The following DNAH6 variants were observed in gnomAD, a reference collection of about 807,000 sequenced individuals.
DNAH6 encodes the protein axonemal beta dynein heavy chain 6.
DNAH6 carries 340 observed loss-of-function variants against 491.4 expected under a neutral mutation model. The ratio of observed to expected loss-of-function variants is 0.69; its 90% CI spans 0.63 to 0.76. DNAH6 has a LOEUF of 0.76. DNAH6 is among the 30% of genes least tolerant of loss of function. DNAH6 has a pLI of 0.00. For missense variants in DNAH6, 4,443 were observed against 4,972.2 expected (o/e 0.89, Z 3.20); for synonymous variants, 1,603 against 1,686.1 (o/e 0.95, Z 1.21).
Position 84,548,415 on chromosome 2 carries a change from G to A in DNAH6, c.1314G>A (p.Thr438=), listed in dbSNP as rs372850589. The stretch of plus-strand genomic sequence containing the variant: ...AAAGGCATTATTGCATGAGGCTGAC[G>A]TGGTAAGATTATTCTCATTTTCAAG... The part of the protein sequence containing the change: ...ASKRHYCMRL[T]CFIRLNDYLI... The change falls in exon 8 of 77, where the codon ACG becomes ACA. Residue 438 remains threonine, a splice_region_variant and synonymous_variant. Transcript: ENST00000389394. 2.5e-5 allele frequency: 40 copies of A among 1,613,202 alleles called. No individual in the cohort carries two copies. The highest frequency in any genetic ancestry group is 1.1e-4 in the South Asian group (10 of 90,904).
At chr2:84,818,484 C>CA (rs59242387) in intron 76 of DNAH6, among the ~76,000 whole-genome samples, 2,402 of 63,638 alleles carry the variant, frequency 0.038, 139 homozygotes, top group African/African-American at 0.083. Context: ...GACCCTATCT[C>CA]AAAAAAAAAA....
intron 4 of DNAH6, among the ~76,000 whole-genome samples, chr2:84,537,266 T>C (rs1052516303): frequency 7.9e-5 from 12 of 152,202 alleles, no homozygotes; most frequent in Admixed American, 1.3e-4. Flanking sequence ...GAAATAATTA[T>C]AAATACCTTA....
chr2:84,710,906 G>A (rs1411388293), intron 56 of DNAH6, among the ~76,000 whole-genome samples: 1 of 151,782 alleles, frequency 6.6e-6, no homozygotes, highest in African/African-American at 2.4e-5. Context: ...TGTTTGTTGA[G>A]TCTAGGTGCT....
At chr2:84,646,662 A>G (rs768189753) in intron 33 of DNAH6, among the ~76,000 whole-genome samples, 1 of 152,236 alleles carries the variant, frequency 6.6e-6, no homozygotes, top group East Asian at 1.9e-4. Flanking sequence ...ACAACATTCC[A>G]TTAAGCCAAA....
At chr2:84,794,988 C>T (rs1678188628) in intron 68 of DNAH6, among the ~76,000 whole-genome samples, 1 of 150,444 alleles carries the variant, frequency 6.6e-6, no homozygotes, top group South Asian at 2.1e-4. Context: ...CCATGGAATA[C>T]TATGCAGCCA....
At chr2:84,590,498 C>A (rs1056379726) in intron 16 of DNAH6, among the ~76,000 whole-genome samples, 703 of 97,682 alleles carry the variant, frequency 7.2e-3, no homozygotes, top group African/African-American at 9.7e-3. Context: ...GGCTCCATTT[C>A]AAAAAAAAAA....
At chr2:84,746,224 A>G (rs1197240394) in intron 63 of DNAH6, among the ~76,000 whole-genome samples, 1 of 152,210 alleles carries the variant, frequency 6.6e-6, no homozygotes, top group East Asian at 1.9e-4. Flanking sequence ...ATTCATTTGG[A>G]AAGTAAAACT....
intron 63 of DNAH6, among the ~76,000 whole-genome samples, chr2:84,757,046 G>T (rs546979390): frequency 1.1e-4 from 16 of 152,326 alleles, no homozygotes; most frequent in African/African-American, 3.6e-4. Flanking sequence ...ATGGGATTTT[G>T]CAGAGGGTGA....
chr2:84,641,090 TAAAG>T (rs144139161), intron 32 of DNAH6, among the ~76,000 whole-genome samples: 7,709 of 152,236 alleles, frequency 0.051, 253 homozygotes, highest in Admixed American at 0.073. Context: ...TAGTATCTAG[TAAAG>T]AAAGAGTCTT....
intron 29 of DNAH6, among the ~76,000 whole-genome samples, chr2:84,627,313 T>A (rs567185172): frequency 6.6e-6 from 1 of 152,348 alleles, no homozygotes; most frequent in Non-Finnish European, 1.5e-5. Flanking sequence ...CTTTCTTATG[T>A]TTCATTTTAA....
chr2:84,697,451 A>C, intron 46 of DNAH6, 124 bp from the exon 47 acceptor site: 4 of 1,093,136 alleles, frequency 3.7e-6, no homozygotes, highest in Non-Finnish European at 5.1e-6. Context: ...GGTTCCATGA[A>C]ATTTTTAAGA....
intron 16 of DNAH6, among the ~76,000 whole-genome samples, chr2:84,590,905 G>A (rs1386483018): frequency 6.6e-6 from 1 of 152,156 alleles, no homozygotes; most frequent in African/African-American, 2.4e-5. Context: ...TCTCTTGCCT[G>A]AATTTGATTA....
At chr2:84,583,398 A>G (rs1277737366) in intron 14 of DNAH6, among the ~76,000 whole-genome samples, 3 of 152,358 alleles carry the variant, frequency 2.0e-5, no homozygotes, top group East Asian at 3.9e-4. Context: ...ACAGAAAAAA[A>G]GAGGAAACAT....
chr2:84,550,082 A>G, intron 9 of DNAH6, 25 bp downstream of exon 9: 1 of 1,582,918 alleles, frequency 6.3e-7, no homozygotes, highest in Non-Finnish European at 8.7e-7. Flanking sequence ...AATTAAGAAT[A>G]TTTTATTGGT....
At position 84,525,496 on chromosome 2, in the gene DNAH6, G is replaced by A; in HGVS notation, c.226-69G>A. The A allele has an allele frequency of 2.1e-6, 3 of 1,427,484 alleles. No homozygotes were observed. The South Asian group carries it at 4.0e-5, about 19-fold the overall frequency. The allele number at this position is 1,427,484 out of a possible 1,614,324, so 88.4% of individuals were successfully genotyped here. A position where few individuals can be genotyped will look rare whatever the true frequency, so the allele number is the denominator to read the frequency against. On this transcript the variant is annotated intron_variant, in intron 2 of 76. Transcript: ENST00000389394. Reference sequence around the variant, plus strand: ...TTTCCAACAGGAGAAAGAGTCCAAAGGTAGTGAAAAATAAAACAAGTTTAT... The same window carrying A: ...TTTCCAACAGGAGAAAGAGTCCAAAAGTAGTGAAAAATAAAACAAGTTTAT...
intron 63 of DNAH6, among the ~76,000 whole-genome samples, chr2:84,752,779 G>A (rs754229683): frequency 4.6e-5 from 7 of 151,912 alleles, no homozygotes; most frequent in Admixed American, 3.3e-4. Context: ...ATACTATTGC[G>A]TGGATATGCC....
At chr2:84,743,344 A>G (rs1245862326) in intron 62 of DNAH6, among the ~76,000 whole-genome samples, 1 of 152,252 alleles carries the variant, frequency 6.6e-6, no homozygotes, top group Non-Finnish European at 1.5e-5. Flanking sequence ...CAGAAATGCT[A>G]CAGACTTATG....
chr2:84,576,528 A>G (rs1682464311), intron 12 of DNAH6, among the ~76,000 whole-genome samples: 1 of 152,102 alleles, frequency 6.6e-6, no homozygotes, highest in Admixed American at 6.5e-5. Flanking sequence ...AATTAGAAAT[A>G]AAATTAGCTA....
intron 65 of DNAH6, 90 bp from the exon 66 acceptor site, chr2:84,784,632 C>T: frequency 9.1e-6 from 7 of 773,222 alleles, no homozygotes; most frequent in Admixed American, 7.6e-5. Context: ...AGCATTTTTT[C>T]CTTCTCTAGA....
Sources: gnomAD v4.1 joint callset for allele counts (sites outside exome capture counted in the v4.1 genomes callset) on GRCh38, gnomAD v4.1.1 for gene constraint, MANE v1.5 for transcripts, NCBI Gene and HGNC (gene_info 2026-07-23, HGNC 2026-07-21) for gene names.